Variants in ST8SIA4 observed in about 807,000 individuals in gnomAD.
ST8SIA4 encodes CMP-N-acetylneuraminate-poly-alpha-2,8-sialyltransferase.
ST8SIA4 carries 15 observed loss-of-function variants against 33.9 expected under a neutral mutation model. The observed-to-expected ratio is 0.44, with a 90% CI of 0.30 to 0.68. The LOEUF is 0.68. Ranked by LOEUF, ST8SIA4 falls within the 30% of genes least tolerant of loss-of-function variation. The pLI is 0.10. For missense variants in ST8SIA4, 321 were observed against 428.0 expected (o/e 0.75, Z 2.21); for synonymous variants, 171 against 151.2 (o/e 1.13, Z -0.96).
chr5:100,870,692 A>G (rs1752179851), intron 3 of ST8SIA4, among the ~76,000 whole-genome samples: 1 of 152,280 alleles, frequency 6.6e-6, no homozygotes, highest in Non-Finnish European at 1.5e-5. Context: ...GAGGAGTGAC[A>G]TAATTAGAAA....
Position 100,862,816 on chromosome 5 carries a change from A to G in ST8SIA4, c.504-6420T>C, listed in dbSNP as rs148597586. Among the ~76,000 whole-genome samples, 19 of 152,348 alleles carry G rather than the reference A, an allele frequency of 1.2e-4. No homozygotes were observed. The East Asian group carries it at 3.7e-3, about 29-fold the overall frequency. The stretch of plus-strand genomic sequence containing the variant: ...AGACAGTCACTATTGCTGTTTTCCA[A>G]TGATAAGGAAACTGAGTTGCAAGAA... On this transcript the variant is annotated intron_variant, in intron 3 of 4. Coordinates refer to ENST00000231461, the MANE Select transcript of ST8SIA4 (RefSeq NM_005668.6).
chr5:100,835,863 A>C (rs1339608208), intron 4 of ST8SIA4, among the ~76,000 whole-genome samples: 1 of 152,142 alleles, frequency 6.6e-6, no homozygotes, highest in Middle Eastern at 3.2e-3. Context: ...AGAGATATAG[A>C]AGTAAAAAGG....
chr5:100,860,020 C>T (rs1428350108), intron 3 of ST8SIA4, among the ~76,000 whole-genome samples: 1 of 152,120 alleles, frequency 6.6e-6, no homozygotes, highest in Non-Finnish European at 1.5e-5. Context: ...TTTAATTCTA[C>T]AACGTATTGT....
intron 4 of ST8SIA4, among the ~76,000 whole-genome samples, chr5:100,836,429 A>AT (rs536384746): frequency 2.2e-4 from 33 of 150,258 alleles, no homozygotes; most frequent in Middle Eastern, 3.4e-3. Context: ...TGCTGCATTC[A>AT]TTTTTTTTTG....
At chr5:100,823,528 G>C (rs1751077124) in intron 4 of ST8SIA4, among the ~76,000 whole-genome samples, 1 of 152,118 alleles carries the variant, frequency 6.6e-6, no homozygotes, top group Non-Finnish European at 1.5e-5. Context: ...AGTAATACCT[G>C]CTCATATAAC....
intron 4 of ST8SIA4, among the ~76,000 whole-genome samples, chr5:100,841,146 T>C (rs1751462657): frequency 6.6e-6 from 1 of 151,960 alleles, no homozygotes; most frequent in Non-Finnish European, 1.5e-5. Context: ...CACAGGTTAC[T>C]GATTTCCATA....
chr5:100,830,446 G>A (rs183675557), intron 4 of ST8SIA4, among the ~76,000 whole-genome samples: 31 of 152,254 alleles, frequency 2.0e-4, no homozygotes, highest in African/African-American at 5.5e-4. Flanking sequence ...AGTATTTATC[G>A]TTGAATAAAA....
rs1383596330 is a variant in ST8SIA4, at chr5:100,811,204, TA to T, written c.*642del. 5 of 151,996 alleles carry T rather than the reference TA, an allele frequency of 3.3e-5. No individual in the cohort carries two copies. In the East Asian group the frequency reaches 9.7e-4, roughly 30 times the overall value. 9.4% of individuals were successfully genotyped at this position (151,996 alleles called of 1,614,324 possible). A position where few individuals can be genotyped will look rare whatever the true frequency, so the allele number is the denominator to read the frequency against. ...AAAAAAGTCTTTGTGTGATAGCTTTTAAAAAGTATAAGAACTTTAAAAATAA... is the reference window on the plus strand; with the variant it reads ...AAAAAAGTCTTTGTGTGATAGCTTTTAAAAGTATAAGAACTTTAAAAATAA... On this transcript the variant is annotated 3_prime_UTR_variant, in exon 5 of 5. Coordinates refer to ENST00000231461, the MANE Select transcript of ST8SIA4 (RefSeq NM_005668.6).
chr5:100,899,859 C>G (rs186025838), intron 1 of ST8SIA4, among the ~76,000 whole-genome samples: 175 of 152,264 alleles, frequency 1.1e-3, no homozygotes, highest in African/African-American at 3.6e-3. Flanking sequence ...CCACTTAATG[C>G]CTTCACTGCT....
chr5:100,833,416 A>G (rs530675616), intron 4 of ST8SIA4, among the ~76,000 whole-genome samples: 2 of 152,122 alleles, frequency 1.3e-5, no homozygotes, highest in Non-Finnish European at 2.9e-5. Context: ...AATAAATTAA[A>G]TCTTCTGTGC....
At chr5:100,844,796 TAAAG>T (rs2112427261) in intron 4 of ST8SIA4, among the ~76,000 whole-genome samples, 1 of 152,070 alleles carries the variant, frequency 6.6e-6, no homozygotes, top group African/African-American at 2.4e-5. Flanking sequence ...AGTTTATAGC[TAAAG>T]GCTTTAAACT....
At chr5:100,869,473 C>T (rs1752150228) in intron 3 of ST8SIA4, among the ~76,000 whole-genome samples, 1 of 152,142 alleles carries the variant, frequency 6.6e-6, no homozygotes, top group South Asian at 2.1e-4. Context: ...ATCTTACTTT[C>T]TGCTATGATC....
At position 100,820,972 on chromosome 5, in the gene ST8SIA4, C is replaced by T. The variant is rs184640479; in HGVS notation, c.798-8843G>A. Among the ~76,000 whole-genome samples, 319 of 152,102 alleles carry T rather than the reference C, an allele frequency of 2.1e-3. 3 individuals are homozygous for T. The highest frequency in any genetic ancestry group is 0.018 in the Admixed American group (275 of 15,288). The stretch of plus-strand genomic sequence containing the variant: ...TCCATTACTATTTTAATGACCTTCA[C>T]GTTTAATCCTTCTGAGAAAAAACTG... On this transcript the variant is annotated intron_variant, in intron 4 of 4. Coordinates refer to ENST00000231461, the MANE Select transcript of ST8SIA4 (RefSeq NM_005668.6).
chr5:100,865,681 C>T (rs569704903), intron 3 of ST8SIA4, among the ~76,000 whole-genome samples: 2 of 152,108 alleles, frequency 1.3e-5, no homozygotes, highest in African/African-American at 2.4e-5. Context: ...GTCACTATTA[C>T]TTCTAGTGTC....
chr5:100,865,623 TTTCTC>T (rs1208093063), intron 3 of ST8SIA4, among the ~76,000 whole-genome samples: 2 of 152,178 alleles, frequency 1.3e-5, no homozygotes, highest in African/African-American at 4.8e-5. Flanking sequence ...AGTGTTCTCT[TTTCTC>T]TTCCATAAAC....
intron 2 of ST8SIA4, among the ~76,000 whole-genome samples, chr5:100,893,131 A>G (rs1752709598): frequency 6.6e-6 from 1 of 152,178 alleles, no homozygotes; most frequent in Non-Finnish European, 1.5e-5. Flanking sequence ...AAAAGTGAGG[A>G]AGAAAGAAAA....
chr5:100,901,530 G>C lies in ST8SIA4; in HGVS notation c.113+1313C>G, dbSNP rs561378557. Among the ~76,000 whole-genome samples the C allele has an allele frequency of 4.6e-5, 7 of 152,282 alleles. 1 individual carries two copies. In the South Asian group the frequency reaches 1.5e-3, roughly 32 times the overall value. ...TCCTGCTTTTCTAACAACTGAGCTA[G>C]ATTGGATTTTCAAGCCACCCAGTCT... On this transcript the variant is annotated intron_variant, in intron 1 of 4. Transcript: ENST00000231461.
intron 4 of ST8SIA4, among the ~76,000 whole-genome samples, chr5:100,829,907 CA>C (rs773555217): frequency 1.3e-3 from 146 of 109,422 alleles, no homozygotes; most frequent in Middle Eastern, 0.01. Flanking sequence ...GACTCCGTCT[CA>C]AAAAAAAAAA....
intron 3 of ST8SIA4, among the ~76,000 whole-genome samples, chr5:100,882,853 G>A (rs962451717): frequency 6.6e-6 from 1 of 152,206 alleles, no homozygotes; most frequent in Non-Finnish European, 1.5e-5. Flanking sequence ...ATGGGGTTTG[G>A]GAACCTCTGC....
Sources: allele counts gnomAD v4.1 joint callset (sites outside exome capture counted in the v4.1 genomes callset), GRCh38; gene constraint gnomAD v4.1.1; transcripts MANE v1.5; gene names NCBI Gene and HGNC (gene_info 2026-07-23, HGNC 2026-07-21).